NXNL2: variants seen among roughly 807,000 people sequenced by gnomAD.
NXNL2 encodes nucleoredoxin like 2.
Under a neutral mutation model 11.1 loss-of-function variants are expected in NXNL2, and 7 were observed. The ratio of observed to expected loss-of-function variants is 0.63; its 90% CI spans 0.36 to 1.18. The LOEUF (loss-of-function observed/expected upper bound fraction) is 1.18, where lower values mean the gene tolerates loss of function less well. NXNL2 is among the 50% of genes most tolerant of loss of function. The probability of loss-of-function intolerance (pLI) is 0.02; values close to 1 mark genes in which losing one functional copy is unlikely to be tolerated. For missense variants in NXNL2, 233 were observed against 217.7 expected, an observed-to-expected ratio of 1.07 and a Z score of -0.44; for synonymous variants, 109 against 101.8, an observed-to-expected ratio of 1.07 and a Z score of -0.42.
At chr9:88,578,554 G>C (rs1288131185), downstream of NXNL2, among the ~76,000 whole-genome samples, 2 of 152,246 alleles carry the variant, frequency 1.3e-5, no homozygotes, top group African/African-American at 4.8e-5. Flanking sequence ...GGCTGTTGCC[G>C]CTGGCTGTGT....
chr9:88,582,455 A>T (rs921211516), intron 1 of NXNL2, among the ~76,000 whole-genome samples: 1 of 152,108 alleles, frequency 6.6e-6, no homozygotes, highest in Admixed American at 6.5e-5. Context: ...GGCGACAGAG[A>T]GAGACTTCAT....
chr9:88,572,140 C>T (rs1830275739), intron 2 of NXNL2, among the ~76,000 whole-genome samples: 1 of 151,826 alleles, frequency 6.6e-6, no homozygotes, highest in Non-Finnish European at 1.5e-5. Context: ...AAATAGCTGA[C>T]CCCAAGTTCC....
At chr9:88,561,508 A>T (rs74683740) in intron 1 of NXNL2, among the ~76,000 whole-genome samples, 5,122 of 152,216 alleles carry the variant, frequency 0.034, 306 homozygotes, top group African/African-American at 0.11. Context: ...CTATCTGTCT[A>T]ATTAGTTCTG....
chr9:88,544,280 C>T (rs1209424399), intron 1 of NXNL2, 99 bp from the exon 2 acceptor site: 11 of 1,075,838 alleles, frequency 1.0e-5, no homozygotes, highest in African/African-American at 1.6e-5. Context: ...CTGGTGGCTT[C>T]CTCCAAGTTG....
chr9:88,573,983 T>G (rs575505365), intron 2 of NXNL2, among the ~76,000 whole-genome samples: 1 of 152,314 alleles, frequency 6.6e-6, no homozygotes, highest in South Asian at 2.1e-4. Context: ...CAAGTATTGG[T>G]GAGGATGTGG....
chr9:88,552,301 T>C (rs1375205693), intron 1 of NXNL2, among the ~76,000 whole-genome samples: 1 of 152,192 alleles, frequency 6.6e-6, no homozygotes, highest in Non-Finnish European at 1.5e-5. Context: ...TCAATGGCTC[T>C]ATTAGGGAGT....
chr9:88,547,100 G>A (rs566182445), downstream of NXNL2, among the ~76,000 whole-genome samples: 2 of 152,336 alleles, frequency 1.3e-5, no homozygotes, highest in Non-Finnish European at 2.9e-5. Context: ...CCCAGCCCAG[G>A]CCCACGTCTC....
At chr9:88,566,049 T>C (rs1830165961) in intron 1 of NXNL2, among the ~76,000 whole-genome samples, 1 of 152,220 alleles carries the variant, frequency 6.6e-6, no homozygotes, top group South Asian at 2.1e-4. Context: ...TTGCTTTTTC[T>C]ATTGAGTTTT....
At chr9:88,571,088 C>T (rs750650200) in exon 2 of NXNL2, 25 of 397,832 alleles carry the variant, frequency 6.3e-5, no homozygotes, top group Non-Finnish European at 1.0e-4. Flanking sequence ...TTTTTTCAGA[C>T]GGAGTCTCGC....
Position 88,535,457 on chromosome 9 carries a change from G to A in NXNL2, c.23G>A (p.Arg8Gln). MVDILGE[R>Q]HLVTCKGATV... ...GCCATGGTTGACATTCTGGGCGAGC[G>A]GCACCTGGTGACCTGTAAGGGCGCG... Residue 8 changes from arginine to glutamine, a missense_variant, in exon 1 of 2, where the codon CGG becomes CAG. Physicochemically the swap from Arg to Gln is conservative, Grantham distance 43. Coordinates refer to ENST00000375854, the MANE Select transcript of NXNL2 (RefSeq NM_001161625.2). The A allele has an allele frequency of 6.2e-7, 1 of 1,604,222 alleles. No homozygotes were observed. Among genetic ancestry groups the A allele is most frequent in the Non-Finnish European group, 8.5e-7 (1 of 1,176,086 alleles).
intron 1 of NXNL2, among the ~76,000 whole-genome samples, chr9:88,581,784 T>G (rs1830411419): frequency 6.6e-6 from 1 of 152,196 alleles, no homozygotes; most frequent in South Asian, 2.1e-4. Flanking sequence ...CATTTATTTG[T>G]GACTGTGTTG....
chr9:88,537,640 A>G (rs911989613), intron 1 of NXNL2, among the ~76,000 whole-genome samples: 3 of 152,242 alleles, frequency 2.0e-5, no homozygotes, highest in African/African-American at 7.2e-5. Flanking sequence ...CTACGTCTAC[A>G]GGACCTTGGT....
At chr9:88,542,155 C>T (rs1480240914) in intron 1 of NXNL2, among the ~76,000 whole-genome samples, 1 of 151,728 alleles carries the variant, frequency 6.6e-6, no homozygotes, top group Non-Finnish European at 1.5e-5. Flanking sequence ...ATGGCATGAA[C>T]CCAGGAGGCG....
exon 2 of NXNL2, chr9:88,584,216 C>G (rs895130234): frequency 1.3e-5 from 2 of 152,172 alleles, no homozygotes; most frequent in African/African-American, 4.8e-5. Flanking sequence ...CAAGGGCTGT[C>G]GAGGTGATTT....
intron 1 of NXNL2, among the ~76,000 whole-genome samples, chr9:88,564,285 T>TCTATTATCTATCTATCTATC (rs1554706562): frequency 7.1e-6 from 1 of 140,160 alleles, no homozygotes; most frequent in African/African-American, 2.7e-5. Flanking sequence ...TATCTATCTA[T>TCTATTATCTATCTATCTATC]TATCTATCTA....
Position 88,535,355 on chromosome 9 carries a change from C to T in NXNL2, c.-80C>T. 4 of 1,384,724 alleles carry T rather than the reference C, an allele frequency of 2.9e-6. No individual in the cohort carries two copies. Among genetic ancestry groups the T allele is most frequent in the Non-Finnish European group, 3.8e-6 (4 of 1,048,794 alleles). The allele number at this position is 1,384,724 out of a possible 1,614,324, so 85.8% of individuals were successfully genotyped here. ...TGGTGCGGACAGAGGCGGGGCACCGCGGCGCTCGCCGCCGCCTCCCCGCAG... is the reference window on the plus strand; with the variant it reads ...TGGTGCGGACAGAGGCGGGGCACCGTGGCGCTCGCCGCCGCCTCCCCGCAG... On this transcript the variant is annotated 5_prime_UTR_variant, in exon 1 of 2. Transcript: ENST00000375854.
At chr9:88,547,046 G>C (rs1829855213), downstream of NXNL2, among the ~76,000 whole-genome samples, 1 of 152,192 alleles carries the variant, frequency 6.6e-6, no homozygotes, top group Non-Finnish European at 1.5e-5. Context: ...GCAGTGTGAT[G>C]TGGGCACCAT....
chr9:88,555,686 C>T (rs1302926328), intron 1 of NXNL2, among the ~76,000 whole-genome samples: 1 of 152,172 alleles, frequency 6.6e-6, no homozygotes, highest in Admixed American at 6.5e-5. Flanking sequence ...TGCCGCTTTG[C>T]CAGCTGGAAA....
Position 88,564,296 on chromosome 9 carries a change from TC to T in NXNL2, c.303-6790del, listed in dbSNP as rs556505595. ...TATCTATCTATCTATTATCTATCTA[TC>T]TATCTATCTATCTATCTATCTATCT... On this transcript the variant is annotated intron_variant, in intron 1 of 2. Coordinates refer to the NXNL2 transcript ENST00000375855. 2.4e-3 allele frequency among the ~76,000 whole-genome samples: 346 copies of T among 142,198 alleles called. 2 individuals carry two copies. Among genetic ancestry groups the T allele is most frequent in the South Asian group, 0.024 (110 of 4,534 alleles). The allele number at this position is 142,198 out of a possible 152,430, so 93.3% of individuals were successfully genotyped here. A position where few individuals can be genotyped will look rare whatever the true frequency, so the allele number is the denominator to read the frequency against.
Sources: allele counts gnomAD v4.1 joint callset (sites outside exome capture counted in the v4.1 genomes callset), GRCh38; gene constraint gnomAD v4.1.1; transcripts MANE v1.5; gene names NCBI Gene and HGNC (gene_info 2026-07-23, HGNC 2026-07-21).